The following RAB10 variants were observed in gnomAD, a reference collection of about 807,000 sequenced individuals.
RAB10 encodes ras-related protein Rab-10.
In RAB10, 5 loss-of-function variants were observed where a neutral mutation model predicts 25.7. The ratio of observed to expected loss-of-function variants is 0.19; its 90% CI spans 0.10 to 0.41. RAB10 has a LOEUF of 0.41. RAB10 is among the 10% of genes least tolerant of loss of function. The pLI, the probability that RAB10 is intolerant of heterozygous loss-of-function variation, is 1.00. For synonymous variants in RAB10, 89 were observed against 86.4 expected (o/e 1.03, Z -0.16); for missense variants, 103 against 245.8 (o/e 0.42, Z 3.89).
chr2:26,041,485 G>T (rs1665883702), intron 1 of RAB10, among the ~76,000 whole-genome samples: 2 of 146,352 alleles, frequency 1.4e-5, no homozygotes, highest in Admixed American at 1.4e-4. Flanking sequence ...GGAGGTTGCA[G>T]TGAGTTGAGC....
chr2:26,118,241 G>A (rs917360085), intron 3 of RAB10, among the ~76,000 whole-genome samples: 1 of 152,120 alleles, frequency 6.6e-6, no homozygotes, highest in African/African-American at 2.4e-5. Flanking sequence ...AAAGTGCTGG[G>A]ATTACAGGCG....
intron 3 of RAB10, among the ~76,000 whole-genome samples, chr2:26,122,400 G>A (rs1205693022): frequency 2.6e-5 from 4 of 152,110 alleles, no homozygotes; most frequent in South Asian, 2.1e-4. Flanking sequence ...AGGCCAAGGC[G>A]GGCAGATCAC....
intron 3 of RAB10, among the ~76,000 whole-genome samples, chr2:26,125,115 A>G (rs1355847468): frequency 6.6e-6 from 1 of 152,132 alleles, no homozygotes; most frequent in African/African-American, 2.4e-5. Flanking sequence ...TTCTGCGTGT[A>G]TACCCATGAG....
intron 3 of RAB10, among the ~76,000 whole-genome samples, chr2:26,121,562 G>A (rs979543393): frequency 2.0e-5 from 3 of 152,084 alleles, no homozygotes; most frequent in African/African-American, 7.2e-5. Flanking sequence ...TCACAGACAA[G>A]CCACATAACC....
At chr2:26,091,212 T>C (rs1030032918) in intron 1 of RAB10, among the ~76,000 whole-genome samples, 55 of 152,174 alleles carry the variant, frequency 3.6e-4, no homozygotes, top group African/African-American at 1.3e-3. Context: ...ATCTCTACCC[T>C]TTTCAGTCTC....
chr2:26,097,216 AAAAC>A (rs768001721), intron 1 of RAB10, among the ~76,000 whole-genome samples: 6 of 152,138 alleles, frequency 3.9e-5, no homozygotes, highest in Non-Finnish European at 7.4e-5. Flanking sequence ...ACCTTGTCTC[AAAAC>A]AAACAAACAA....
intron 3 of RAB10, among the ~76,000 whole-genome samples, chr2:26,126,304 T>C (rs779536431): frequency 2.0e-5 from 3 of 152,160 alleles, no homozygotes; most frequent in Non-Finnish European, 4.4e-5. Flanking sequence ...TTGGCTGGGC[T>C]CAGTGGCTCA....
intron 1 of RAB10, among the ~76,000 whole-genome samples, chr2:26,056,236 G>A (rs1240569960): frequency 6.6e-6 from 1 of 151,660 alleles, no homozygotes; most frequent in Non-Finnish European, 1.5e-5. Flanking sequence ...GTCTTGCTCT[G>A]TCGCCAGGCT....
chr2:26,096,813 AAATTTTCT>A (rs766599780), intron 1 of RAB10, among the ~76,000 whole-genome samples: 2 of 152,220 alleles, frequency 1.3e-5, no homozygotes, highest in African/African-American at 2.4e-5. Flanking sequence ...TTCATTTCAG[AAATTTTCT>A]AATTTTCACT....
At chr2:26,102,632 G>T (rs112518970) in intron 2 of RAB10, among the ~76,000 whole-genome samples, 279 of 152,126 alleles carry the variant, frequency 1.8e-3, no homozygotes, top group African/African-American at 6.5e-3. Flanking sequence ...TAGAGACGGG[G>T]TTTCACCGTG....
intron 1 of RAB10, among the ~76,000 whole-genome samples, chr2:26,088,106 G>C (rs557818965): frequency 6.6e-6 from 1 of 152,154 alleles, no homozygotes; most frequent in Non-Finnish European, 1.5e-5. Flanking sequence ...CCCCAGAAAT[G>C]GATCATTTAA....
intron 1 of RAB10, among the ~76,000 whole-genome samples, chr2:26,072,039 A>G (rs1311633179): frequency 1.4e-5 from 2 of 148,128 alleles, no homozygotes; most frequent in Non-Finnish European, 1.5e-5. Context: ...TGAACTATTA[A>G]TTTCCAAATG....
chr2:26,122,625 CA>C (rs775681640), intron 3 of RAB10, among the ~76,000 whole-genome samples: 15 of 88,586 alleles, frequency 1.7e-4, no homozygotes, highest in Admixed American at 3.7e-4. Flanking sequence ...GACTCTGTCT[CA>C]AAAAAAAAAA....
At chr2:26,038,924 CA>C (rs34311018) in intron 1 of RAB10, among the ~76,000 whole-genome samples, 43,824 of 103,224 alleles carry the variant, frequency 0.42, 9,972 homozygotes, top group East Asian at 0.78. Flanking sequence ...GACTCTGTCT[CA>C]AAAAAAAAAA....
intron 1 of RAB10, among the ~76,000 whole-genome samples, chr2:26,083,749 C>G (rs932510123): frequency 3.9e-5 from 6 of 152,078 alleles, no homozygotes; most frequent in African/African-American, 1.4e-4. Context: ...GAACTCCTGG[C>G]CTCAAGTGAT....
intron 1 of RAB10, among the ~76,000 whole-genome samples, chr2:26,044,795 C>T (rs1025495145): frequency 7.0e-6 from 1 of 142,690 alleles, no homozygotes; most frequent in African/African-American, 2.6e-5. Context: ...ATCCACCTGC[C>T]TCGGCCTCCC....
chr2:26,119,488 G>T (rs1260678228), intron 3 of RAB10, among the ~76,000 whole-genome samples: 2 of 151,404 alleles, frequency 1.3e-5, no homozygotes, highest in East Asian at 3.9e-4. Context: ...GTTATTCAAA[G>T]AAGTGTATCC....
intron 2 of RAB10, among the ~76,000 whole-genome samples, chr2:26,100,334 A>G (rs1001411211): frequency 3.9e-5 from 6 of 152,188 alleles, no homozygotes; most frequent in African/African-American, 1.4e-4. Flanking sequence ...ATCCTCTGCC[A>G]TTAAAAAATT....
chr2:26,082,080 A>G (rs35844686), intron 1 of RAB10, among the ~76,000 whole-genome samples: 21,894 of 152,182 alleles, frequency 0.14, 1,928 homozygotes, highest in Middle Eastern at 0.24. Context: ...TATTTAAAAG[A>G]TAATTGTTTA....
Sources: allele counts gnomAD v4.1 joint callset (sites outside exome capture counted in the v4.1 genomes callset), GRCh38; gene constraint gnomAD v4.1.1; transcripts MANE v1.5; gene names NCBI Gene and HGNC (gene_info 2026-07-23, HGNC 2026-07-21).